Variants in ATP10B observed in about 807,000 individuals in gnomAD.
ATP10B encodes phospholipid-transporting ATPase VB.
A neutral mutation model predicts 141.2 loss-of-function variants in ATP10B; 122 were observed. The ratio of observed to expected loss-of-function variants is 0.86; its 90% CI spans 0.75 to 1.00. The LOEUF is 1.00. ATP10B is among the 50% of genes least tolerant of loss of function. The pLI is 0.00. For missense variants in ATP10B, 1,876 were observed against 1,825.3 expected (o/e 1.03, Z -0.51); for synonymous variants, 685 against 692.0 (o/e 0.99, Z 0.16).
At chr5:160,729,397 C>T (rs1411888166) in intron 2 of ATP10B, among the ~76,000 whole-genome samples, 1 of 152,092 alleles carries the variant, frequency 6.6e-6, no homozygotes, top group East Asian at 1.9e-4. Context: ...TACTGTGTTC[C>T]ACCTTTGTGT....
chr5:160,888,204 A>T, the ATP10B span, among the ~76,000 whole-genome samples: 13 of 152,366 alleles, frequency 8.5e-5, no homozygotes, highest in East Asian at 2.5e-3. Context: ...TAAATATGTG[A>T]GAAGTGATGC....
At chr5:160,809,178 T>A (rs71605444) in intron 1 of ATP10B, among the ~76,000 whole-genome samples, 190 of 152,314 alleles carry the variant, frequency 1.2e-3, no homozygotes, top group Non-Finnish European at 2.1e-3. Flanking sequence ...TAGGCACTAG[T>A]TGTTCTCTGT....
intron 7 of ATP10B, among the ~76,000 whole-genome samples, chr5:160,667,559 TA>T (rs1331649918): frequency 6.6e-6 from 1 of 152,210 alleles, no homozygotes; most frequent in Admixed American, 6.5e-5. Context: ...CAAGCTCAAA[TA>T]ATCTTCCTTT....
chr5:160,695,969 G>A (rs566318676), intron 3 of ATP10B, among the ~76,000 whole-genome samples: 9 of 152,276 alleles, frequency 5.9e-5, no homozygotes, highest in East Asian at 5.8e-4. Context: ...GGAGTTAGCA[G>A]ATCTTCAAAT....
chr5:160,576,116 C>A (rs1755171552), intron 24 of ATP10B, among the ~76,000 whole-genome samples: 1 of 152,160 alleles, frequency 6.6e-6, no homozygotes, highest in African/African-American at 2.4e-5. Flanking sequence ...ATGCCTGAAC[C>A]AATCACTGTG....
chr5:160,908,321 G>A, the ATP10B span, among the ~76,000 whole-genome samples: 1 of 151,990 alleles, frequency 6.6e-6, no homozygotes, highest in Non-Finnish European at 1.5e-5. Context: ...GATCTCCCTA[G>A]TGCCATAATG....
rs1759358978 is a variant in ATP10B, at chr5:160,636,229, C to T, written c.1081G>A (p.Ala361Thr). The change falls in exon 11 of 26, where the codon GCC (alanine) becomes ACC (threonine). Residue 361 changes from alanine (A) to threonine (T), a missense_variant. Coordinates refer to ENST00000327245, the MANE Select transcript of ATP10B (RefSeq NM_025153.3). ...PDANGSFLPS[A>T]LGGFYMFLTM... ...AGGAACATGTAGAAGCCCCCAAGGG[C>T]ACTGGGAAGGAAGCTGCCATTGGCA... is the stretch of plus-strand genomic sequence containing the variant. The T allele has an allele frequency of 6.2e-7, 1 of 1,613,400 alleles. No individual in the cohort carries two copies. Among genetic ancestry groups the T allele is most frequent in the African/African-American group, 1.3e-5 (1 of 74,896 alleles).
intron 2 of ATP10B, among the ~76,000 whole-genome samples, chr5:160,783,424 CCATGGATAG>C (rs1482384707): frequency 8.9e-5 from 7 of 79,000 alleles, no homozygotes; most frequent in African/African-American, 3.5e-4. Context: ...ATGGATATAT[CCATGGATAG>C]ATATATCCAT....
At chr5:160,762,762 G>A (rs1167396506) in intron 2 of ATP10B, among the ~76,000 whole-genome samples, 1 of 152,022 alleles carries the variant, frequency 6.6e-6, no homozygotes, top group Admixed American at 6.6e-5. Context: ...CCACTTAAAA[G>A]ATACAGAATG....
At chr5:160,634,326 G>C in intron 12 of ATP10B, 28 bp downstream of exon 12, 1 of 1,614,088 alleles carries the variant, frequency 6.2e-7, no homozygotes, top group Non-Finnish European at 8.5e-7. Flanking sequence ...TTTAGAAAGA[G>C]GGATGGAGCC....
At position 160,730,201 on chromosome 5, in the gene ATP10B, G is replaced by C. The variant is rs74740934; in HGVS notation, c.-330-13167C>G. Reference sequence around the variant, plus strand: ...TACCTATTCTTGTTCTACAGATGTGGAGAGTGCAGCTCAAAGAAGGTAAGG... The same window carrying C: ...TACCTATTCTTGTTCTACAGATGTGCAGAGTGCAGCTCAAAGAAGGTAAGG... On this transcript the variant is annotated intron_variant, in intron 2 of 25. Transcript: ENST00000327245. Among the ~76,000 whole-genome samples, 472 of 152,220 alleles carry C rather than the reference G, an allele frequency of 3.1e-3. 2 individuals are homozygous for C. Among genetic ancestry groups the C allele is most frequent in the African/African-American group, 0.011 (448 of 41,508 alleles).
chr5:160,825,195 A>G (rs1429607666), intron 1 of ATP10B, among the ~76,000 whole-genome samples: 2 of 152,168 alleles, frequency 1.3e-5, no homozygotes, highest in Non-Finnish European at 2.9e-5. Flanking sequence ...CATGTCTCGC[A>G]TGTAATAGTT....
At chr5:160,860,473 A>AT in the ATP10B span, among the ~76,000 whole-genome samples, 1 of 151,858 alleles carries the variant, frequency 6.6e-6, no homozygotes, top group Non-Finnish European at 1.5e-5. Flanking sequence ...TGTAAAGCAA[A>AT]TTTTTAGAAA....
the ATP10B span, among the ~76,000 whole-genome samples, chr5:160,882,229 A>C: frequency 3.9e-5 from 6 of 152,194 alleles, no homozygotes; most frequent in Non-Finnish European, 4.4e-5. Flanking sequence ...CAATACCAAG[A>C]GCAAATCCTA....
chr5:160,909,166 GGCCCAGATGGCACTTCA>G, the ATP10B span, among the ~76,000 whole-genome samples: 2 of 152,166 alleles, frequency 1.3e-5, no homozygotes, highest in Non-Finnish European at 2.9e-5. Flanking sequence ...CAGGCACTGA[GGCCCAGATGGCACTTCA>G]GCCCAGACTA....
chr5:160,683,531 C>A (rs912862998), intron 6 of ATP10B, among the ~76,000 whole-genome samples: 3 of 152,190 alleles, frequency 2.0e-5, no homozygotes, highest in Non-Finnish European at 2.9e-5. Flanking sequence ...AGAAGAGAAC[C>A]CCTCCTTAGA....
intron 8 of ATP10B, among the ~76,000 whole-genome samples, chr5:160,647,901 T>A (rs1760408062): frequency 6.6e-6 from 1 of 152,114 alleles, no homozygotes; most frequent in African/African-American, 2.4e-5. Flanking sequence ...TTCTCCTCAT[T>A]ATATCCCTCA....
At chr5:160,704,292 A>G (rs986867254) in intron 3 of ATP10B, among the ~76,000 whole-genome samples, 1 of 151,428 alleles carries the variant, frequency 6.6e-6, no homozygotes, top group Non-Finnish European at 1.5e-5. Context: ...CCTGACCTCA[A>G]GTGATCCTTC....
At chr5:160,833,196 G>C (rs1404256479) in intron 1 of ATP10B, among the ~76,000 whole-genome samples, 2 of 152,180 alleles carry the variant, frequency 1.3e-5, no homozygotes, top group Non-Finnish European at 2.9e-5. Context: ...AAAAGTTTAT[G>C]GTTGTGCTAT....
Sources: allele counts gnomAD v4.1 joint callset (sites outside exome capture counted in the v4.1 genomes callset), GRCh38; gene constraint gnomAD v4.1.1; transcripts MANE v1.5; gene names NCBI Gene and HGNC (gene_info 2026-07-23, HGNC 2026-07-21).